Variants in PIP5K1B observed in about 807,000 individuals in gnomAD.
PIP5K1B encodes phosphatidylinositol 4-phosphate 5-kinase type-1 beta.
A neutral mutation model predicts 67.0 loss-of-function variants in PIP5K1B; 42 were observed. That is an observed-to-expected ratio of 0.63 (90% CI 0.49 to 0.81). The LOEUF (loss-of-function observed/expected upper bound fraction) is 0.81. Ranked by LOEUF, PIP5K1B falls within the 30% of genes least tolerant of loss-of-function variation. PIP5K1B has a pLI of 0.00. For synonymous variants in PIP5K1B, 214 were observed against 231.4 expected (o/e 0.92, Z 0.68); for missense variants, 459 against 646.3 (o/e 0.71, Z 3.14).
intron 14 of PIP5K1B, among the ~76,000 whole-genome samples, chr9:68,942,577 A>G (rs529258956): frequency 2.6e-5 from 4 of 152,128 alleles, no homozygotes; most frequent in South Asian, 2.1e-4. Flanking sequence ...CTGACTCCCA[A>G]TCGTTCCTGG....
Position 68,775,526 on chromosome 9 carries a change from T to C in PIP5K1B, c.-86+32869T>C, listed in dbSNP as rs548159859. Among the ~76,000 whole-genome samples the C allele has an allele frequency of 4.7e-4, 71 of 152,294 alleles. 1 individual carries two copies. In the South Asian group the frequency reaches 6.6e-3, roughly 14 times the overall value. ...CTAAGTGACTAATGGGCAGGGAGCA[T>C]AGACAGCATGGATGCACTGGTTGTA... On this transcript the variant is annotated intron_variant, in intron 2 of 15. Coordinates refer to ENST00000265382, the MANE Select transcript of PIP5K1B (RefSeq NM_003558.4).
intron 12 of PIP5K1B, among the ~76,000 whole-genome samples, chr9:68,924,109 T>G (rs1826548819): frequency 7.4e-6 from 1 of 135,016 alleles, no homozygotes; most frequent in Admixed American, 7.1e-5. Flanking sequence ...ACTCTTACCT[T>G]TAAAAAAAAA....
chr9:68,775,958 T>A (rs566634693), intron 2 of PIP5K1B, among the ~76,000 whole-genome samples: 2 of 152,338 alleles, frequency 1.3e-5, no homozygotes, highest in Admixed American at 6.5e-5. Context: ...TGTGCATGTC[T>A]TTTAGTAGAC....
chr9:68,742,160 T>C (rs765885541), intron 1 of PIP5K1B: 1 of 152,162 alleles, frequency 6.6e-6, no homozygotes, highest in African/African-American at 2.4e-5. Context: ...GTCCTACATT[T>C]AGTGGGAAGT....
chr9:68,961,971 A>G (rs1828772532), intron 14 of PIP5K1B, among the ~76,000 whole-genome samples: 1 of 152,170 alleles, frequency 6.6e-6, no homozygotes, highest in Non-Finnish European at 1.5e-5. Context: ...GACACATGCT[A>G]TTTCATGGAT....
chr9:68,776,662 A>G (rs576140373), intron 2 of PIP5K1B, among the ~76,000 whole-genome samples: 1 of 152,018 alleles, frequency 6.6e-6, no homozygotes, highest in Non-Finnish European at 1.5e-5. Context: ...AAATATAAGT[A>G]ATATTTTAAA....
At chr9:68,773,671 G>T (rs1387609391) in intron 2 of PIP5K1B, among the ~76,000 whole-genome samples, 1 of 152,320 alleles carries the variant, frequency 6.6e-6, no homozygotes, top group Middle Eastern at 3.4e-3. Flanking sequence ...GTGCAATGGT[G>T]TGATGCCTTT....
intron 8 of PIP5K1B, among the ~76,000 whole-genome samples, chr9:68,899,322 C>T (rs1256313554): frequency 6.6e-6 from 1 of 152,194 alleles, no homozygotes; most frequent in East Asian, 1.9e-4. Flanking sequence ...TACACTGTTA[C>T]TTTTTCACAT....
intron 13 of PIP5K1B, among the ~76,000 whole-genome samples, chr9:68,938,601 A>G (rs1827394951): frequency 6.6e-6 from 1 of 152,112 alleles, no homozygotes. Flanking sequence ...ATTTAAGGTT[A>G]ATATTGTTAT....
chr9:68,748,613 CTTTTTTTTTT>C lies in PIP5K1B; in HGVS notation c.-86+5968_-86+5977del, dbSNP rs58954806. 8.9e-4 allele frequency among the ~76,000 whole-genome samples: 87 copies of C among 98,276 alleles called. 1 individual carries two copies. In the Middle Eastern group the frequency reaches 0.045, roughly 51 times the overall value. The allele number at this position is 98,276 out of a possible 152,430, so 64.5% of individuals were successfully genotyped here. On this transcript the variant is annotated intron_variant, in intron 2 of 15. Transcript: ENST00000265382. Reference sequence around the variant, plus strand: ...GGCGGCTGAGTTTCAGATTTCTTTTCTTTTTTTTTTTTTTTTTTTTTGTTTGAGACAGAGT... The same window carrying C: ...GGCGGCTGAGTTTCAGATTTCTTTTCTTTTTTTTTTTGTTTGAGACAGAGT...
rs116453319 is a variant in PIP5K1B, at chr9:68,780,692, C to T, written c.-85-37769C>T. 640 of 1,614,240 alleles carry T rather than the reference C, an allele frequency of 4.0e-4. 4 individuals are homozygous for T. In the African/African-American group the frequency reaches 7.6e-3, roughly 19 times the overall value. On this transcript the variant is annotated intron_variant, in intron 2 of 15. Transcript: ENST00000265382. ...ACGGATTGCCTCCAAGCCCTATTCC[C>T]AGCCCAACGACCCGATTTACCACCC...
intron 14 of PIP5K1B, among the ~76,000 whole-genome samples, chr9:68,966,354 G>T (rs1343544363): frequency 6.6e-6 from 1 of 152,176 alleles, no homozygotes; most frequent in Non-Finnish European, 1.5e-5. Flanking sequence ...CTTTGCAGTA[G>T]AGAAGCCTGG....
chr9:68,797,154 C>T (rs1832337184), intron 2 of PIP5K1B, among the ~76,000 whole-genome samples: 1 of 152,110 alleles, frequency 6.6e-6, no homozygotes, highest in Non-Finnish European at 1.5e-5. Context: ...TGGACAAGTC[C>T]TTAAGTTGCT....
chr9:68,795,278 T>C (rs951333878), intron 2 of PIP5K1B, among the ~76,000 whole-genome samples: 2 of 152,170 alleles, frequency 1.3e-5, no homozygotes, highest in African/African-American at 2.4e-5. Flanking sequence ...TTTAGGCAAA[T>C]TGCTTAATCT....
At chr9:68,815,316 T>C (rs1833385247) in intron 2 of PIP5K1B, among the ~76,000 whole-genome samples, 1 of 151,890 alleles carries the variant, frequency 6.6e-6, no homozygotes, top group Non-Finnish European at 1.5e-5. Flanking sequence ...CTAAGAAATT[T>C]TTTTAAGAAT....
At chr9:68,905,871 A>G (rs1252975456) in intron 8 of PIP5K1B, among the ~76,000 whole-genome samples, 1 of 152,162 alleles carries the variant, frequency 6.6e-6, no homozygotes, top group Non-Finnish European at 1.5e-5. Context: ...AGATCACCCC[A>G]TACTGGCTTC....
At chr9:68,864,285 G>T (rs962684880) in intron 5 of PIP5K1B, among the ~76,000 whole-genome samples, 1 of 151,744 alleles carries the variant, frequency 6.6e-6, no homozygotes, top group Non-Finnish European at 1.5e-5. Flanking sequence ...AGTAATGTCC[G>T]CCAAGGGTTT....
At chr9:68,921,231 C>T (rs1011474648) in intron 11 of PIP5K1B, among the ~76,000 whole-genome samples, 5 of 151,648 alleles carry the variant, frequency 3.3e-5, no homozygotes, top group Non-Finnish European at 7.4e-5. Flanking sequence ...GAGACTGGGG[C>T]AGGATGATCA....
chr9:68,868,065 A>C (rs1288208578), intron 5 of PIP5K1B, among the ~76,000 whole-genome samples: 3 of 152,216 alleles, frequency 2.0e-5, no homozygotes, highest in African/African-American at 7.2e-5. Flanking sequence ...GGGCCTTTTT[A>C]AGATTTGAAA....
Sources: gnomAD v4.1 joint callset for allele counts (sites outside exome capture counted in the v4.1 genomes callset) on GRCh38, gnomAD v4.1.1 for gene constraint, MANE v1.5 for transcripts, NCBI Gene and HGNC (gene_info 2026-07-23, HGNC 2026-07-21) for gene names.